The following TMEM25 variants were observed in gnomAD, a reference collection of about 807,000 sequenced individuals.
The protein encoded by TMEM25 is transmembrane protein 25, also known as 0610039J01Rik.
In TMEM25, 36 loss-of-function variants were observed where a neutral mutation model predicts 37.0. The observed-to-expected ratio is 0.97, with a 90% CI of 0.75 to 1.28. TMEM25 has a LOEUF of 1.28. TMEM25 is among the 50% of genes most tolerant of loss of function. The pLI, the probability that TMEM25 is intolerant of heterozygous loss-of-function variation, is 0.00. For missense variants in TMEM25, 444 were observed against 477.9 expected (o/e 0.93, Z 0.66); for synonymous variants, 197 against 203.7 (o/e 0.97, Z 0.28).
In TMEM25 at chr11:118,531,795, G is replaced by A. The variant is rs782539500; in HGVS notation, c.-7G>A. The A allele has an allele frequency of 7.7e-6, 12 of 1,550,152 alleles. No individual in the cohort carries two copies. The South Asian group carries it at 1.4e-4, about 18-fold the overall frequency. On this transcript the variant is annotated 5_prime_UTR_variant, in exon 2 of 9. Transcript: ENST00000313236. Reference sequence around the variant, plus strand: ...CTCAGCAGCCTAGGGCCTAGGCCCGGGCCACCATGGCGCTGCCTCCAGGCC... The same window carrying A: ...CTCAGCAGCCTAGGGCCTAGGCCCGAGCCACCATGGCGCTGCCTCCAGGCC...
rs782126960 is a variant in TMEM25, at chr11:118,534,517, C to A, written c.1038C>A (p.Arg346=). 1.9e-6 allele frequency: 3 copies of A among 1,614,244 alleles called. No homozygotes were observed. The South Asian group carries it at 3.3e-5, about 18-fold the overall frequency. Residue 346 remains arginine, a synonymous_variant, in exon 9 of 9, where the codon CGC becomes CGA. Transcript: ENST00000313236. This position sits in a 1 kb window ranked among gnomAD's most constrained non-coding sequence, Gnocchi z 4.6. Reference sequence around the variant, plus strand: ...TCTTTGATCCCGCAGGTTTCATCCGCCTCCCAGTGCTGGGCTATATCTATC... The same window carrying A: ...TCTTTGATCCCGCAGGTTTCATCCGACTCCCAGTGCTGGGCTATATCTATC... ...GGLLTSQGFI[R]LPVLGYIYRV...
chr11:118,545,047 G>A (rs1555066718), intron 8 of TMEM25: 1 of 1,362,714 alleles, frequency 7.3e-7, no homozygotes, highest in African/African-American at 1.4e-5. Flanking sequence ...TGAGTATTAG[G>A]GATATGCTAA....
intron 8 of TMEM25, among the ~76,000 whole-genome samples, chr11:118,543,544 G>A (rs1951610223): frequency 1.3e-5 from 2 of 152,148 alleles, no homozygotes; most frequent in African/African-American, 4.8e-5. Context: ...CTGGAGTGCA[G>A]TGGCGCGATC....
intron 8 of TMEM25, chr11:118,545,944 A>G (rs1260302595): frequency 1.1e-5 from 12 of 1,111,504 alleles, no homozygotes; most frequent in Non-Finnish European, 1.2e-5. Flanking sequence ...AGCTTCTAGC[A>G]TAAGACACAG....
rs1951495556 is a variant in TMEM25 at position 118,535,662 on chromosome 11, C to A, written c.*1082C>A. Reference sequence around the variant, plus strand: ...TGGAGAAAGAAGGAGACCACATACCCCAAAGTGACCTAAGAACACTTTAAA... The same window carrying A: ...TGGAGAAAGAAGGAGACCACATACCACAAAGTGACCTAAGAACACTTTAAA... On this transcript the variant is annotated 3_prime_UTR_variant, in exon 9 of 9. Transcript: ENST00000313236. The A allele has an allele frequency of 8.0e-6, 12 of 1,505,358 alleles. No homozygotes were observed. The highest frequency in any genetic ancestry group is 1.1e-5 in the Non-Finnish European group (12 of 1,126,088). The allele number at this position is 1,505,358 out of a possible 1,614,324, so 93.3% of individuals were successfully genotyped here. A position where few individuals can be genotyped will look rare whatever the true frequency, so the allele number is the denominator to read the frequency against.
chr11:118,536,262 C>T (rs544520272), downstream of TMEM25, among the ~76,000 whole-genome samples: 3 of 150,596 alleles, frequency 2.0e-5, no homozygotes, highest in South Asian at 2.1e-4. Flanking sequence ...GGCGTGATCT[C>T]GGCTCACCGC....
At position 118,541,475 on chromosome 11, in the gene TMEM25, A is replaced by AAAAAAAAAAAAAAAG. The variant is rs534709160; in HGVS notation, c.1028-4640_1028-4639insAAAAAAAAAAGAAAA. 1.5e-5 allele frequency among the ~76,000 whole-genome samples: 2 copies of AAAAAAAAAAAAAAAG among 137,344 alleles called. 1 individual carries two copies. The highest frequency in any genetic ancestry group is 3.1e-5 in the Non-Finnish European group (2 of 65,040). The allele number at this position is 137,344 out of a possible 152,430, so 90.1% of individuals were successfully genotyped here. A position where few individuals can be genotyped will look rare whatever the true frequency, so the allele number is the denominator to read the frequency against. On this transcript the variant is annotated intron_variant, in intron 8 of 8. Transcript: ENST00000354284. The stretch of plus-strand genomic sequence containing the variant: ...AGACCCTGTCTCAAAAAAAAAAAAA[A>AAAAAAAAAAAAAAAG]AAAAGAAAAAGAAACTTCACCTAAC...
Position 118,532,986 on chromosome 11 carries a change from T to C in TMEM25, c.452T>C (p.Leu151Pro), listed in dbSNP as rs1335245083. 1 of 1,614,142 alleles carries C rather than the reference T, an allele frequency of 6.2e-7. No homozygotes were observed. Among genetic ancestry groups the C allele is most frequent in the East Asian group, 2.2e-5 (1 of 44,904 alleles). ...CAGGGCCCAGGCCTCCTGGTTGTCC[T>C]GTTTGCCCTGGTGCGTGCCAACCCG... ...EAQGPGLLVV[L>P]FALVRANPPA... The change falls in exon 4 of 9, where the codon CTG (leucine) becomes CCG (proline). Residue 151 changes from leucine (L) to proline (P), a missense_variant. Physicochemically the swap from Leu to Pro is moderately conservative, Grantham distance 98. Coordinates refer to ENST00000313236, the MANE Select transcript of TMEM25 (RefSeq NM_032780.4).
chr11:118,544,455 G>A (rs997677934), intron 8 of TMEM25: 1 of 153,768 alleles, frequency 6.5e-6, no homozygotes, highest in African/African-American at 2.4e-5. Flanking sequence ...CCATTACTAA[G>A]CAAAGTTCCT....
Position 118,534,343 on chromosome 11 carries a change from C to T in TMEM25, c.1015C>T (p.Leu339Phe). ...ELLDPEPGGL[L>F]TSQGFIRLPV... ...TCTGGACCCGGAGCCCGGCGGCCTC[C>T]TCACCAGCCAAGGTACTGGGGAAGG... is the stretch of plus-strand genomic sequence containing the variant. Residue 339 changes from leucine to phenylalanine, a missense_variant, in exon 8 of 9, where the codon CTC (leucine) becomes TTC (phenylalanine). Leu to Phe is a conservative substitution (Grantham distance 22). Coordinates refer to ENST00000313236, the MANE Select transcript of TMEM25 (RefSeq NM_032780.4). This position sits in a 1 kb window ranked among gnomAD's most constrained non-coding sequence, Gnocchi z 4.6. The T allele has an allele frequency of 6.2e-7, 1 of 1,614,022 alleles. No homozygotes were observed. The highest frequency in any genetic ancestry group is 1.3e-5 in the African/African-American group (1 of 75,044).
In TMEM25 at chr11:118,533,477, T is replaced by TTGCACTGGGCACCC. The variant is rs1320664444; in HGVS notation, c.733_746dup (p.Val250HisfsTer32). Reference sequence around the variant, plus strand: ...CTGGGCATTGTTGTGGCTGCTGGGCTTGCACTGGGCACCCTCGTGGGGTTC... The same window carrying TTGCACTGGGCACCC: ...CTGGGCATTGTTGTGGCTGCTGGGCTTGCACTGGGCACCCTGCACTGGGCACCCTCGTGGGGTTC... On this transcript the variant is annotated frameshift_variant, in exon 5 of 9. Transcript: ENST00000313236. LOFTEE classifies it high-confidence loss of function. The TTGCACTGGGCACCC allele has an allele frequency of 4.3e-6, 7 of 1,614,192 alleles. No homozygotes were observed. The highest frequency in any genetic ancestry group is 5.9e-6 in the Non-Finnish European group (7 of 1,180,026).
At position 118,535,471 on chromosome 11, in the gene TMEM25, T is replaced by G. The variant is rs1555062811; in HGVS notation, c.*891T>G. On this transcript the variant is annotated 3_prime_UTR_variant, in exon 9 of 9. Coordinates refer to ENST00000313236, the MANE Select transcript of TMEM25 (RefSeq NM_032780.4). The stretch of plus-strand genomic sequence containing the variant: ...TTGGCCTTCTGGGATTCACTGTGAG[T>G]GTCCTGAGCTCTCGGGGTTGATGGT... 2 of 1,507,594 alleles carry G rather than the reference T, an allele frequency of 1.3e-6. No homozygotes were observed. Among genetic ancestry groups the G allele is most frequent in the African/African-American group, 2.8e-5 (2 of 72,310 alleles). 93.4% of individuals were successfully genotyped at this position (1,507,594 alleles called of 1,614,324 possible). A position where few individuals can be genotyped will look rare whatever the true frequency, so the allele number is the denominator to read the frequency against.
At chr11:118,545,497 G>GA (rs782729078) in intron 8 of TMEM25, 18 of 1,610,270 alleles carry the variant, frequency 1.1e-5, no homozygotes, top group Non-Finnish European at 1.1e-5. Flanking sequence ...TAGAATGGCT[G>GA]AAACGAAGAA....
In TMEM25 at chr11:118,534,519, T is replaced by G; in HGVS notation, c.1040T>G (p.Leu347Arg). 1 of 1,614,194 alleles carries G rather than the reference T, an allele frequency of 6.2e-7. No individual in the cohort carries two copies. Among genetic ancestry groups the G allele is most frequent in the East Asian group, 2.2e-5 (1 of 44,882 alleles). ...TTTGATCCCGCAGGTTTCATCCGCC[T>G]CCCAGTGCTGGGCTATATCTATCGA... ...GLLTSQGFIR[L>R]PVLGYIYRVS... The change falls in exon 9 of 9, where the codon CTC becomes CGC. Residue 347 changes from leucine to arginine, a missense_variant. Physicochemically the swap from Leu to Arg is moderately radical, Grantham distance 102 (BLOSUM62 -2). Coordinates refer to ENST00000313236, the MANE Select transcript of TMEM25 (RefSeq NM_032780.4). The surrounding 1 kb of genome is among the most constrained non-coding windows in gnomAD (Gnocchi z 4.6).
chr11:118,533,944 G>A (rs2135398614), intron 6 of TMEM25, 57 bp downstream of exon 6: 1 of 1,614,062 alleles, frequency 6.2e-7, no homozygotes, highest in Non-Finnish European at 8.5e-7. Flanking sequence ...ATGGGGACAG[G>A]AGGGAGCCTG....
At chr11:118,531,267 G>A (rs1303085969) in intron 1 of TMEM25, 33 bp downstream of exon 1, 1 of 372,130 alleles carries the variant, frequency 2.7e-6, no homozygotes. Flanking sequence ...GGCGGGGGCG[G>A]GATGCTCGGC....
At chr11:118,541,670 A>T (rs1460543087) in intron 8 of TMEM25, among the ~76,000 whole-genome samples, 1 of 152,094 alleles carries the variant, frequency 6.6e-6, no homozygotes, top group Non-Finnish European at 1.5e-5. Context: ...ATAGTATCCA[A>T]TAGGTAGTTT....
chr11:118,535,146 T>C lies in TMEM25; in HGVS notation c.*566T>C, dbSNP rs1951475124. On this transcript the variant is annotated 3_prime_UTR_variant, in exon 9 of 9. Transcript: ENST00000313236. The stretch of plus-strand genomic sequence containing the variant: ...GTACCGGCCAAGCACAAACGTCCTT[T>C]TTGCTGCACACGTCTCTGCCCTTCA... 4 of 1,029,900 alleles carry C rather than the reference T, an allele frequency of 3.9e-6. No homozygotes were observed. In the African/African-American group the frequency reaches 6.8e-5, roughly 18 times the overall value. 63.8% of individuals were successfully genotyped at this position (1,029,900 alleles called of 1,614,324 possible).
At chr11:118,545,776 A>G (rs1951668060) in intron 8 of TMEM25, 7 of 1,612,882 alleles carry the variant, frequency 4.3e-6, no homozygotes, top group Middle Eastern at 1.7e-4. Context: ...GGACGAGGAA[A>G]GGAAAGAGGA....
Sources: allele counts gnomAD v4.1 joint callset (sites outside exome capture counted in the v4.1 genomes callset), GRCh38; gene constraint gnomAD v4.1.1; non-coding constraint Gnocchi (gnomAD v3.1); transcripts MANE v1.5; gene names NCBI Gene and HGNC (gene_info 2026-07-23, HGNC 2026-07-21).